SNX1: variants seen among roughly 807,000 people sequenced by gnomAD.
The protein encoded by SNX1 is sorting nexin 1.
In SNX1, 36 loss-of-function variants were observed where a neutral mutation model predicts 71.8. That is an observed-to-expected ratio of 0.50 (90% CI 0.38 to 0.66). The LOEUF is 0.66. SNX1 is among the 30% of genes least tolerant of loss of function. SNX1 has a pLI of 0.00. For missense variants in SNX1, 612 were observed against 646.7 expected (o/e 0.95, Z 0.58); for synonymous variants, 254 against 240.7 (o/e 1.06, Z -0.51).
intron 8 of SNX1, among the ~76,000 whole-genome samples, chr15:64,128,053 A>G (rs2081271591): frequency 6.6e-6 from 1 of 152,214 alleles, no homozygotes; most frequent in Non-Finnish European, 1.5e-5. Context: ...GGATCAACAC[A>G]GTGATCTATT....
chr15:64,099,318 T>G (rs2140127671), intron 1 of SNX1, among the ~76,000 whole-genome samples: 1 of 152,348 alleles, frequency 6.6e-6, no homozygotes, highest in African/African-American at 2.4e-5. Context: ...TGTAAAGTGC[T>G]TAGAAGATGT....
At chr15:64,097,027 C>T (rs1458785878) in intron 1 of SNX1, among the ~76,000 whole-genome samples, 1 of 152,256 alleles carries the variant, frequency 6.6e-6, no homozygotes, top group African/African-American at 2.4e-5. Context: ...TGTGAGTGGG[C>T]CGGAGCAAGG....
chr15:64,125,152 G>A (rs1444369328), intron 5 of SNX1, among the ~76,000 whole-genome samples: 1 of 152,114 alleles, frequency 6.6e-6, no homozygotes, highest in African/African-American at 2.4e-5. Flanking sequence ...TGTAATTCCA[G>A]CAGCTAATAC....
chr15:64,117,840 C>T (rs1389499649), intron 2 of SNX1, among the ~76,000 whole-genome samples: 1 of 152,106 alleles, frequency 6.6e-6, no homozygotes, highest in African/African-American at 2.4e-5. Flanking sequence ...TGTCTTTTTG[C>T]TTATCCTTGG....
intron 1 of SNX1, among the ~76,000 whole-genome samples, chr15:64,098,397 G>A (rs553883782): frequency 1.1e-3 from 163 of 152,286 alleles, no homozygotes; most frequent in Non-Finnish European, 2.0e-3. Context: ...TTATTTTCTA[G>A]AGTTAACCTG....
chr15:64,123,894 C>CT (rs1427715160), intron 5 of SNX1, among the ~76,000 whole-genome samples: 1 of 152,020 alleles, frequency 6.6e-6, no homozygotes, highest in African/African-American at 2.4e-5. Flanking sequence ...TTTCAGAGAG[C>CT]TTTTTTAAAT....
intron 2 of SNX1, among the ~76,000 whole-genome samples, chr15:64,112,929 A>T (rs1475479069): frequency 6.6e-6 from 1 of 152,188 alleles, no homozygotes; most frequent in East Asian, 1.9e-4. Flanking sequence ...CAATAACAGA[A>T]ATGCAGTTGG....
At chr15:64,125,951 A>C in intron 5 of SNX1, 128 bp from the exon 6 acceptor site, 1 of 959,140 alleles carries the variant, frequency 1.0e-6, no homozygotes, top group East Asian at 2.4e-5. Context: ...CCTTGGAGAA[A>C]GTTATTTGCC....
At chr15:64,116,973 T>G (rs2140143472) in intron 2 of SNX1, among the ~76,000 whole-genome samples, 1 of 152,284 alleles carries the variant, frequency 6.6e-6, no homozygotes, top group Admixed American at 6.5e-5. Context: ...TTACATGTCT[T>G]TTTTCACAAA....
In SNX1 at chr15:64,133,995, G is replaced by A. The variant is rs547354317; in HGVS notation, c.1222-669G>A. On this transcript the variant is annotated intron_variant, in intron 11 of 14. Coordinates refer to ENST00000559844, the MANE Select transcript of SNX1 (RefSeq NM_003099.5). ...GGCCTTGGTAGCCTAGAGCAGGTGA[G>A]TGTGTGGTTGGGAAAAAGCAATGTG... Among the ~76,000 whole-genome samples, 271 of 152,220 alleles carry A rather than the reference G, an allele frequency of 1.8e-3. 1 individual carries two copies. The highest frequency in any genetic ancestry group is 2.5e-3 in the Non-Finnish European group (167 of 68,034).
intron 1 of SNX1, among the ~76,000 whole-genome samples, chr15:64,096,453 A>G (rs1474966830): frequency 6.6e-6 from 1 of 152,128 alleles, no homozygotes; most frequent in African/African-American, 2.4e-5. Context: ...CAGTGTGGTG[A>G]CACTCCACGG....
chr15:64,138,076 T>C lies in SNX1; in HGVS notation c.*458T>C, dbSNP rs982377418. The stretch of plus-strand genomic sequence containing the variant: ...CAGTTGGGAATCAGGTCTGGAATAC[T>C]CCTAACCAAGAAGTTGCCCAGGTAT... On this transcript the variant is annotated 3_prime_UTR_variant, in exon 15 of 15. Coordinates refer to ENST00000559844, the MANE Select transcript of SNX1 (RefSeq NM_003099.5). 1 of 1,535,856 alleles carries C rather than the reference T, an allele frequency of 6.5e-7. No individual in the cohort carries two copies. The highest frequency in any genetic ancestry group is 8.7e-7 in the Non-Finnish European group (1 of 1,146,836).
chr15:64,126,305 A>T (rs1218877905), intron 6 of SNX1, 85 bp downstream of exon 6: 2 of 1,323,766 alleles, frequency 1.5e-6, no homozygotes, highest in Non-Finnish European at 2.1e-6. Flanking sequence ...ATATGAGACT[A>T]CTTCTATTAA....
chr15:64,114,477 G>A (rs936308830), intron 2 of SNX1, among the ~76,000 whole-genome samples: 1 of 152,210 alleles, frequency 6.6e-6, no homozygotes, highest in East Asian at 1.9e-4. Flanking sequence ...AAAAAAGTAA[G>A]CTTTGGTTTT....
At chr15:64,126,419 T>C (rs2081253340) in intron 6 of SNX1, among the ~76,000 whole-genome samples, 199 bp downstream of exon 6, 1 of 152,174 alleles carries the variant, frequency 6.6e-6, no homozygotes, top group South Asian at 2.1e-4. Context: ...CAGTAGGAGC[T>C]CTGGGTTTAG....
At chr15:64,118,050 C>T in intron 2 of SNX1, 67 bp from the exon 3 acceptor site, 2 of 1,472,902 alleles carry the variant, frequency 1.4e-6, no homozygotes, top group Non-Finnish European at 1.9e-6. Context: ...AAGTTCTTAG[C>T]CTATACAAGT....
intron 1 of SNX1, among the ~76,000 whole-genome samples, chr15:64,108,691 A>G (rs541945389): frequency 6.6e-6 from 1 of 152,338 alleles, no homozygotes; most frequent in South Asian, 2.1e-4. Flanking sequence ...AAGGACAAAA[A>G]TAAAATATCA....
Position 64,131,673 on chromosome 15 carries a change from TTTC to T in SNX1, c.1016-13_1016-11del, listed in dbSNP as rs770907163. On this transcript the variant is annotated splice_polypyrimidine_tract_variant and intron_variant, in intron 10 of 14. Coordinates refer to ENST00000559844, the MANE Select transcript of SNX1 (RefSeq NM_003099.5). Reference sequence around the variant, plus strand: ...GAGATCAGAGAGGCCTCTGCTGTCTTTTCCTCCTTCCAGAGCTAGCGCTGAACA... The same window carrying T: ...GAGATCAGAGAGGCCTCTGCTGTCTTCTCCTTCCAGAGCTAGCGCTGAACA... The T allele has an allele frequency of 1.2e-6, 2 of 1,610,950 alleles. No homozygotes were observed. Among genetic ancestry groups the T allele is most frequent in the Admixed American group, 3.3e-5 (2 of 59,980 alleles).
chr15:64,116,338 T>C (rs1323266718), intron 2 of SNX1, among the ~76,000 whole-genome samples: 1 of 152,180 alleles, frequency 6.6e-6, no homozygotes, highest in Non-Finnish European at 1.5e-5. Context: ...AGAGGAAAAT[T>C]CATGTATAAA....
Sources: gnomAD v4.1 joint callset for allele counts (sites outside exome capture counted in the v4.1 genomes callset) on GRCh38, gnomAD v4.1.1 for gene constraint, MANE v1.5 for transcripts, NCBI Gene and HGNC (gene_info 2026-07-23, HGNC 2026-07-21) for gene names.